The following PLEKHA6 variants were observed in gnomAD, a reference collection of about 807,000 sequenced individuals.
The protein encoded by PLEKHA6 is pleckstrin homology domain containing A6.
Under a neutral mutation model 116.7 loss-of-function variants are expected in PLEKHA6, and 60 were observed. That is an observed-to-expected ratio of 0.51 (90% CI 0.42 to 0.64). The LOEUF is 0.64. PLEKHA6 is among the 30% of genes least tolerant of loss of function. The probability of loss-of-function intolerance (pLI) is 0.00; values close to 1 mark genes in which losing one functional copy is unlikely to be tolerated. For synonymous variants in PLEKHA6, 489 were observed against 556.1 expected, an observed-to-expected ratio of 0.88 and a Z score of 1.70; for missense variants, 1,338 against 1,422.7, an observed-to-expected ratio of 0.94 and a Z score of 0.96.
rs559973753 is a variant in PLEKHA6 at position 204,305,134 on chromosome 1, T to G, written c.-94-30325A>C. Among the ~76,000 whole-genome samples, 9 of 152,318 alleles carry G rather than the reference T, an allele frequency of 5.9e-5. No homozygotes were observed. The South Asian group carries it at 1.9e-3, about 32-fold the overall frequency. On this transcript the variant is annotated intron_variant, in intron 1 of 22. Transcript: ENST00000272203. ...TCAAATTGGCAACGTAACAGAGACA[T>G]AGACCCAGTGATGCCATTTCAATTG...
chr1:204,280,723 G>A (rs1346960433), intron 1 of PLEKHA6, among the ~76,000 whole-genome samples: 1 of 152,166 alleles, frequency 6.6e-6, no homozygotes, highest in African/African-American at 2.4e-5. Context: ...GGGAAGGTGG[G>A]GAGAAGGTTG....
intron 17 of PLEKHA6, among the ~76,000 whole-genome samples, chr1:204,235,323 T>C (rs1476362464): frequency 1.3e-5 from 2 of 152,232 alleles, no homozygotes; most frequent in East Asian, 3.9e-4. Context: ...GCAAGGAGTT[T>C]AGTGACTACA....
chr1:204,267,546 G>A lies in PLEKHA6; in HGVS notation c.209C>T (p.Ala70Val). The part of the protein sequence containing the change: ...VTKAGWLFKQ[A>V]SSGVKQWNKR... ...GTTCCACTGCTTAACCCCGGAGCTG[G>A]CCTGCGGGACATGGGAGAGGCAGAT... The change falls in exon 5 of 23, where the codon GCC becomes GTC. Residue 70 changes from alanine (A) to valine (V), a missense_variant and splice_region_variant. Physicochemically the swap from Ala to Val is moderately conservative, Grantham distance 64. Transcript: ENST00000272203. 6.2e-7 allele frequency: 1 copy of A among 1,613,810 alleles called. No homozygotes were observed. Among genetic ancestry groups the A allele is most frequent in the East Asian group, 2.2e-5 (1 of 44,886 alleles).
At chr1:204,300,459 C>T (rs553682149) in intron 1 of PLEKHA6, among the ~76,000 whole-genome samples, 3 of 152,310 alleles carry the variant, frequency 2.0e-5, no homozygotes, top group Admixed American at 6.5e-5. Context: ...CTCATAGCCC[C>T]GACAAAGCCA....
chr1:204,281,386 C>A (rs1211057232), intron 1 of PLEKHA6, among the ~76,000 whole-genome samples: 2 of 151,802 alleles, frequency 1.3e-5, no homozygotes, highest in African/African-American at 2.4e-5. Context: ...TTAGCCGGGC[C>A]TGGTGGCGGG....
chr1:204,282,042 A>G (rs1057222957), intron 1 of PLEKHA6, among the ~76,000 whole-genome samples: 3 of 152,176 alleles, frequency 2.0e-5, no homozygotes, highest in Admixed American at 6.5e-5. Context: ...GGCCAGGTCC[A>G]GGTTTCTTCC....
rs1170064751 is a variant in PLEKHA6, at chr1:204,259,016, CCTT to C, written c.1007+239_1007+241del. ...TGGAGAGGCACTGGGGCACTCTGTC[CCTT>C]CTTCTGAAGGAAGCAGACAAAGAAA... On this transcript the variant is annotated intron_variant, in intron 8 of 22. Coordinates refer to ENST00000272203, the MANE Select transcript of PLEKHA6 (RefSeq NM_014935.5). This position sits in a 1 kb window ranked among gnomAD's most constrained non-coding sequence, Gnocchi z 4.6. Among the ~76,000 whole-genome samples the C allele has an allele frequency of 9.2e-5, 14 of 152,316 alleles. No individual in the cohort carries two copies. Among genetic ancestry groups the C allele is most frequent in the African/African-American group, 3.1e-4 (13 of 41,572 alleles).
intron 1 of PLEKHA6, among the ~76,000 whole-genome samples, chr1:204,359,343 C>T (rs1425743494): frequency 6.6e-6 from 1 of 152,168 alleles, no homozygotes; most frequent in Admixed American, 6.5e-5. Context: ...GGAGGGTGGG[C>T]TGGCCTCTCT....
chr1:204,300,710 T>C (rs1670733554), intron 1 of PLEKHA6, among the ~76,000 whole-genome samples: 1 of 152,216 alleles, frequency 6.6e-6, no homozygotes, highest in Admixed American at 6.5e-5. Flanking sequence ...AGGAAAAGCC[T>C]AGCTCTGCAG....
chr1:204,340,405 A>G (rs1558190801), intron 1 of PLEKHA6, among the ~76,000 whole-genome samples: 1 of 152,198 alleles, frequency 6.6e-6, no homozygotes, highest in Non-Finnish European at 1.5e-5. Flanking sequence ...ATTAGAGTCA[A>G]TCAGCCAGCT....
rs913774346 is a variant in PLEKHA6, at chr1:204,230,417, T to C, written c.2579A>G (p.Lys860Arg). 1.3e-6 allele frequency: 2 copies of C among 1,577,982 alleles called. No homozygotes were observed. Among genetic ancestry groups the C allele is most frequent in the African/African-American group, 2.7e-5 (2 of 74,518 alleles). The change falls in exon 18 of 23, where the codon AAA (lysine) becomes AGA (arginine). Residue 860 changes from lysine to arginine, a missense_variant. Around this residue, in one of 3 missense-constraint regions of PLEKHA6, gnomAD observed 1,136 missense variants for 1,163.6 expected, o/e 0.98. Transcript: ENST00000272203. ...APDPSPRPAY[K>R]VVRRHRSIHE... is the part of the protein sequence containing the mutation. ...GGGTAGCTGGGAAGGCATTACCACT[T>C]TGTAGGCTGGCCGGGGACTGGGGTC...
upstream of PLEKHA6, among the ~76,000 whole-genome samples, chr1:204,363,676 A>G (rs1048349920): frequency 1.3e-5 from 2 of 152,098 alleles, no homozygotes; most frequent in Non-Finnish European, 2.9e-5. Context: ...ACATAGCTAG[A>G]TCTTTAAGCA....
chr1:204,260,556 A>C (rs964214049), intron 7 of PLEKHA6, among the ~76,000 whole-genome samples: 1 of 152,220 alleles, frequency 6.6e-6, no homozygotes, highest in Non-Finnish European at 1.5e-5. Flanking sequence ...GCGAAGATGG[A>C]AATTTGTGAC....
At chr1:204,241,537 C>G (rs1662819591) in intron 16 of PLEKHA6, 56 bp from the exon 17 acceptor site, 3 of 1,419,922 alleles carry the variant, frequency 2.1e-6, no homozygotes, top group Non-Finnish European at 2.9e-6. Context: ...GGCAGGAAGC[C>G]TCCTTCTCAG....
chr1:204,351,875 T>C (rs1391686904), intron 1 of PLEKHA6, among the ~76,000 whole-genome samples: 1 of 152,178 alleles, frequency 6.6e-6, no homozygotes, highest in Non-Finnish European at 1.5e-5. Flanking sequence ...GTTATTAAGT[T>C]TCACCATGCC....
chr1:204,283,840 T>A (rs1668893395), intron 1 of PLEKHA6, among the ~76,000 whole-genome samples: 1 of 152,166 alleles, frequency 6.6e-6, no homozygotes, highest in African/African-American at 2.4e-5. Context: ...GCTGCCTGGA[T>A]GTAGGGGCAT....
At chr1:204,315,181 C>T (rs1190986582) in intron 1 of PLEKHA6, among the ~76,000 whole-genome samples, 2 of 152,164 alleles carry the variant, frequency 1.3e-5, no homozygotes, top group Non-Finnish European at 2.9e-5. Context: ...TGTCCTTGGC[C>T]TTTAAAATTA....
intron 1 of PLEKHA6, among the ~76,000 whole-genome samples, chr1:204,300,261 G>C (rs1364888633): frequency 6.6e-6 from 1 of 152,026 alleles, no homozygotes; most frequent in African/African-American, 2.4e-5. Context: ...GCTTACCCAG[G>C]GCTCATGATC....
Position 204,251,556 on chromosome 1 carries a change from G to T in PLEKHA6, c.1525-942C>A, listed in dbSNP as rs1197383420. The T allele has an allele frequency of 1.3e-5, 9 of 702,828 alleles. No homozygotes were observed. The South Asian group carries it at 1.3e-4, about 10-fold the overall frequency. 43.5% of individuals were successfully genotyped at this position (702,828 alleles called of 1,614,324 possible). On this transcript the variant is annotated intron_variant, in intron 9 of 22. Transcript: ENST00000272203. ...TTGCATGAAGAGTTGGGACCTGGGG[G>T]AGGAGTTTTCCACCATGCGGTTCAC...
Sources: gnomAD v4.1 joint callset for allele counts (sites outside exome capture counted in the v4.1 genomes callset) on GRCh38, gnomAD v4.1.1 for gene constraint, gnomAD v4.1.1 regional missense constraint, Gnocchi (gnomAD v3.1) non-coding constraint, MANE v1.5 for transcripts, NCBI Gene and HGNC (gene_info 2026-07-23, HGNC 2026-07-21) for gene names.